The following NUDCD3 variants were observed in gnomAD, a reference collection of about 807,000 sequenced individuals.
The protein encoded by NUDCD3 is NudC domain containing 3.
In NUDCD3, 13 loss-of-function variants were observed where a neutral mutation model predicts 39.7. The ratio of observed to expected loss-of-function variants is 0.33; its 90% CI spans 0.21 to 0.52. NUDCD3 has a LOEUF of 0.52. Among genes scored for constraint, NUDCD3 ranks in the 20% least tolerant of loss-of-function variants. NUDCD3 has a pLI of 0.96. For missense variants in NUDCD3, 453 were observed against 458.1 expected (o/e 0.99, Z 0.10); for synonymous variants, 175 against 172.4 (o/e 1.02, Z -0.12).
At chr7:44,489,553 T>A (rs760865231) in intron 1 of NUDCD3, among the ~76,000 whole-genome samples, 2 of 152,234 alleles carry the variant, frequency 1.3e-5, no homozygotes, top group African/African-American at 4.8e-5. Context: ...TTTCTACAAA[T>A]AGGCTTAATA....
At chr7:44,442,550 G>A (rs1476580701) in intron 2 of NUDCD3, among the ~76,000 whole-genome samples, 1 of 152,132 alleles carries the variant, frequency 6.6e-6, no homozygotes, top group African/African-American at 2.4e-5. Flanking sequence ...GATGGGAGGG[G>A]ACAAGTGACA....
chr7:44,436,673 T>G (rs1034521982), intron 2 of NUDCD3, among the ~76,000 whole-genome samples: 1 of 152,232 alleles, frequency 6.6e-6, no homozygotes, highest in African/African-American at 2.4e-5. Flanking sequence ...TGCTTATTAA[T>G]GGGGCTGAAC....
intron 3 of NUDCD3, chr7:44,426,154 C>G (rs1006571795): frequency 1.0e-6 from 1 of 985,426 alleles, no homozygotes; most frequent in Non-Finnish European, 1.2e-6. Context: ...CACCCATGAC[C>G]TGATGTAGTT....
At chr7:44,411,042 A>C (rs576614510) in intron 3 of NUDCD3, among the ~76,000 whole-genome samples, 4 of 152,336 alleles carry the variant, frequency 2.6e-5, no homozygotes, top group African/African-American at 9.6e-5. Flanking sequence ...ATTCAATGGG[A>C]AAAGAATAGT....
At chr7:44,460,491 CA>C (rs1282658017) in intron 2 of NUDCD3, among the ~76,000 whole-genome samples, 2 of 152,084 alleles carry the variant, frequency 1.3e-5, no homozygotes, top group African/African-American at 4.8e-5. Flanking sequence ...CACAAGACTC[CA>C]AATAGTATGC....
chr7:44,411,251 C>T (rs1798918272), intron 3 of NUDCD3, among the ~76,000 whole-genome samples: 1 of 150,336 alleles, frequency 6.7e-6, no homozygotes. Flanking sequence ...TATAACACCA[C>T]AAGCAGCCAA....
chr7:44,460,983 C>T (rs1043411407), intron 2 of NUDCD3, among the ~76,000 whole-genome samples: 1 of 152,184 alleles, frequency 6.6e-6, no homozygotes, highest in African/African-American at 2.4e-5. Flanking sequence ...TTCTTTTCTC[C>T]TACCACATAT....
chr7:44,433,140 C>G (rs1482522160), intron 2 of NUDCD3, among the ~76,000 whole-genome samples: 1 of 152,208 alleles, frequency 6.6e-6, no homozygotes, highest in African/African-American at 2.4e-5. Flanking sequence ...TCCCCAGACA[C>G]TGAATCTTCT....
chr7:44,443,251 G>C (rs1329641988), intron 2 of NUDCD3, among the ~76,000 whole-genome samples: 2 of 151,816 alleles, frequency 1.3e-5, no homozygotes, highest in East Asian at 1.9e-4. Flanking sequence ...AAAAAGAACA[G>C]GTAACAGGTA....
chr7:44,426,011 G>T, intron 3 of NUDCD3: 2 of 427,260 alleles, frequency 4.7e-6, no homozygotes, highest in Non-Finnish European at 6.3e-6. Flanking sequence ...CGGTTAGCAT[G>T]CGGTACTTAT....
chr7:44,411,502 A>G (rs552465389), intron 3 of NUDCD3, among the ~76,000 whole-genome samples: 4 of 152,350 alleles, frequency 2.6e-5, no homozygotes, highest in Admixed American at 2.6e-4. Flanking sequence ...AAGATACACA[A>G]GTGGAAAATA....
chr7:44,478,834 A>C (rs1191159488), intron 2 of NUDCD3, among the ~76,000 whole-genome samples: 1 of 152,248 alleles, frequency 6.6e-6, no homozygotes, highest in African/African-American at 2.4e-5. Flanking sequence ...CACAGGCACA[A>C]GGTTGCCAGG....
At position 44,390,096 on chromosome 7, in the gene NUDCD3, G is replaced by A. The variant is rs1798483843; in HGVS notation, c.975+2201C>T. Among the ~76,000 whole-genome samples, 8 of 152,306 alleles carry A rather than the reference G, an allele frequency of 5.3e-5. No individual in the cohort carries two copies. The South Asian group carries it at 1.2e-3, about 24-fold the overall frequency. On this transcript the variant is annotated intron_variant, in intron 5 of 5. Coordinates refer to ENST00000355451, the MANE Select transcript of NUDCD3 (RefSeq NM_015332.4). ...CTACAGAAAACTGGCCAGGCGTGGT[G>A]GCTCACGTCTGTAATACCAGCACTT...
intron 2 of NUDCD3, among the ~76,000 whole-genome samples, chr7:44,474,449 T>A (rs560580880): frequency 1.3e-5 from 2 of 152,276 alleles, no homozygotes; most frequent in East Asian, 3.9e-4. Flanking sequence ...CCATTGTACA[T>A]CTCAATTTCT....
intron 2 of NUDCD3, among the ~76,000 whole-genome samples, chr7:44,443,087 C>G: frequency 6.6e-6 from 1 of 152,166 alleles, no homozygotes; most frequent in South Asian, 2.1e-4. Flanking sequence ...ATTTTGTTTA[C>G]TGGTTTATTT....
intron 2 of NUDCD3, among the ~76,000 whole-genome samples, chr7:44,445,727 C>T (rs911316799): frequency 2.0e-5 from 3 of 152,180 alleles, no homozygotes; most frequent in Non-Finnish European, 2.9e-5. Flanking sequence ...AAATCCGTTA[C>T]GACAACTTTC....
At chr7:44,456,240 A>T (rs1241628458) in intron 2 of NUDCD3, among the ~76,000 whole-genome samples, 1 of 151,982 alleles carries the variant, frequency 6.6e-6, no homozygotes, top group African/African-American at 2.4e-5. Context: ...AAAAAAAATT[A>T]GAAAAATGAA....
intron 2 of NUDCD3, among the ~76,000 whole-genome samples, chr7:44,457,206 T>C (rs945621860): frequency 1.3e-5 from 2 of 152,192 alleles, no homozygotes; most frequent in Non-Finnish European, 2.9e-5. Flanking sequence ...GTAAGGACTG[T>C]AGCTCACATC....
intron 2 of NUDCD3, among the ~76,000 whole-genome samples, chr7:44,473,166 G>C (rs1800290641): frequency 6.6e-6 from 1 of 152,164 alleles, no homozygotes; most frequent in Non-Finnish European, 1.5e-5. Context: ...GAGTCACCTG[G>C]AAAGTTTCTG....
Sources: allele counts gnomAD v4.1 joint callset (sites outside exome capture counted in the v4.1 genomes callset), GRCh38; gene constraint gnomAD v4.1.1; transcripts MANE v1.5; gene names NCBI Gene and HGNC (gene_info 2026-07-23, HGNC 2026-07-21).